The following SLIT1 variants were observed in gnomAD, a reference collection of about 807,000 sequenced individuals.
The protein encoded by SLIT1 is slit homolog 1 protein.
A neutral mutation model predicts 186.1 loss-of-function variants in SLIT1; 66 were observed. The ratio of observed to expected loss-of-function variants is 0.35; its 90% CI spans 0.29 to 0.44. The LOEUF is 0.44. Ranked by LOEUF, SLIT1 falls within the 20% of genes least tolerant of loss-of-function variation. The probability of loss-of-function intolerance (pLI) is 1.00; values close to 1 mark genes in which losing one functional copy is unlikely to be tolerated. For missense variants in SLIT1, 1,638 were observed against 2,037.4 expected, an observed-to-expected ratio of 0.80 and a Z score of 3.77; for synonymous variants, 761 against 833.8, an observed-to-expected ratio of 0.91 and a Z score of 1.50.
At chr10:97,097,606 T>C (rs1358839075) in intron 4 of SLIT1, among the ~76,000 whole-genome samples, 1 of 152,210 alleles carries the variant, frequency 6.6e-6, no homozygotes, top group Non-Finnish European at 1.5e-5. Context: ...TGGATGCTAA[T>C]ACAAAAGCAA....
In SLIT1 at chr10:97,002,279, G is replaced by A. The variant is rs201999932; in HGVS notation, c.4245C>T (p.Ala1415=). Residue 1415 remains alanine (A), a synonymous_variant, in exon 36 of 37, where the codon GCC becomes GCT. Transcript: ENST00000266058. ...DGYSGALCNQ[A]GALAEPCRGL... is the part of the protein sequence containing the mutation. ...CTCTGCAGGGCTCTGCCAGGGCCCC[G>A]GCCTGGTTGCACAGTGCCCCCGAGT... The A allele has an allele frequency of 2.2e-4, 358 of 1,609,364 alleles. 3 individuals carry two copies. The highest frequency in any genetic ancestry group is 2.2e-3 in the Admixed American group (130 of 59,712).
intron 22 of SLIT1, among the ~76,000 whole-genome samples, chr10:97,037,294 A>G (rs1222704255): frequency 6.6e-6 from 1 of 151,994 alleles, no homozygotes; most frequent in African/African-American, 2.4e-5. Context: ...GGGTTTCTCC[A>G]TGTTGATCAG....
intron 4 of SLIT1, among the ~76,000 whole-genome samples, chr10:97,149,984 T>C (rs1416184971): frequency 6.6e-6 from 1 of 152,154 alleles, no homozygotes; most frequent in African/African-American, 2.4e-5. Flanking sequence ...TTCCCCAAAT[T>C]GTTTAACCAA....
At chr10:97,013,857 G>C (rs1398559942) in intron 29 of SLIT1, 23 bp from the exon 30 acceptor site, 2 of 1,544,768 alleles carry the variant, frequency 1.3e-6, no homozygotes, top group Non-Finnish European at 1.8e-6. Context: ...CGAGCAAGGG[G>C]CAGGAGAGAA....
intron 26 of SLIT1, among the ~76,000 whole-genome samples, chr10:97,020,238 G>A (rs1421528141): frequency 6.6e-6 from 1 of 152,104 alleles, no homozygotes; most frequent in Non-Finnish European, 1.5e-5. Context: ...CTCCTAGAGT[G>A]CTAGGATTAC....
chr10:97,083,428 G>A (rs1430632721), intron 4 of SLIT1, among the ~76,000 whole-genome samples: 8 of 152,128 alleles, frequency 5.3e-5, no homozygotes, highest in East Asian at 1.9e-4. Context: ...TATGTATGTC[G>A]GCAGTGACAC....
chr10:97,042,471 C>G (rs1439935758), intron 20 of SLIT1, among the ~76,000 whole-genome samples: 1 of 151,998 alleles, frequency 6.6e-6, no homozygotes, highest in Non-Finnish European at 1.5e-5. Context: ...ACCAGGGTTT[C>G]CTACATATGG....
intron 4 of SLIT1, among the ~76,000 whole-genome samples, chr10:97,087,260 C>T (rs1849172508): frequency 6.6e-6 from 1 of 152,020 alleles, no homozygotes; most frequent in African/African-American, 2.4e-5. Flanking sequence ...CTGAACCAGG[C>T]CCAGCCTGCC....
rs1236368003 is a variant in SLIT1 at position 97,059,994 on chromosome 10, G to T, written c.1013+93C>A. The T allele has an allele frequency of 7.4e-6, 8 of 1,074,254 alleles. No individual in the cohort carries two copies. In the Admixed American group the frequency reaches 1.4e-4, roughly 18 times the overall value. 66.5% of individuals were successfully genotyped at this position (1,074,254 alleles called of 1,614,324 possible). On this transcript the variant is annotated intron_variant, in intron 10 of 36. Coordinates refer to ENST00000266058, the MANE Select transcript of SLIT1 (RefSeq NM_003061.3). Reference sequence around the variant, plus strand: ...TGGCCAAGGCCACTCAGCTGTGGGGGGCTGAGTTAGGGCCTGCCCCAGGGC... The same window carrying T: ...TGGCCAAGGCCACTCAGCTGTGGGGTGCTGAGTTAGGGCCTGCCCCAGGGC...
intron 4 of SLIT1, among the ~76,000 whole-genome samples, chr10:97,069,591 G>A (rs1848983968): frequency 6.6e-6 from 1 of 152,212 alleles, no homozygotes; most frequent in African/African-American, 2.4e-5. Context: ...GAGGAGAGGT[G>A]ATCTCTGACC....
Position 97,006,257 on chromosome 10 carries a change from T to C in SLIT1, c.3579+226A>G, listed in dbSNP as rs1848358497. 1.3e-5 allele frequency among the ~76,000 whole-genome samples: 2 copies of C among 152,364 alleles called. No individual in the cohort carries two copies. Among genetic ancestry groups the C allele is most frequent in the Middle Eastern group, 3.4e-3 (1 of 294 alleles). Reference sequence around the variant, plus strand: ...CTGGTTTTCTGGATTCAGTTACCCATGAGACCATGTCCACCCCTGCCCTGG... The same window carrying C: ...CTGGTTTTCTGGATTCAGTTACCCACGAGACCATGTCCACCCCTGCCCTGG... On this transcript the variant is annotated intron_variant, in intron 32 of 36. Coordinates refer to ENST00000266058, the MANE Select transcript of SLIT1 (RefSeq NM_003061.3). This position sits in a 1 kb window ranked among gnomAD's most constrained non-coding sequence, Gnocchi z 4.0.
chr10:97,143,427 T>C (rs1849785457), intron 4 of SLIT1, among the ~76,000 whole-genome samples: 1 of 152,204 alleles, frequency 6.6e-6, no homozygotes, highest in South Asian at 2.1e-4. Flanking sequence ...GTATCTAAAG[T>C]AGTCAAATTC....
chr10:97,113,634 C>A (rs1486182659), intron 4 of SLIT1, among the ~76,000 whole-genome samples: 1 of 151,870 alleles, frequency 6.6e-6, no homozygotes, highest in African/African-American at 2.4e-5. Context: ...CTCACTGCAA[C>A]CTCCGCCTCC....
At position 97,064,236 on chromosome 10, in the gene SLIT1, G is replaced by A. The variant is rs758298742; in HGVS notation, c.561C>T (p.Thr187=). The part of the protein sequence containing the change: ...FRALRGLEVL[T]LNNNNITTIP... ...TGGTGGTGATATTGTTGTTGTTCAG[G>A]GTCCTAAATGGGAAAAACCAGAGTC... The change falls in exon 7 of 37, where the codon ACC becomes ACT. Residue 187 remains threonine (T), a synonymous_variant. Coordinates refer to ENST00000266058, the MANE Select transcript of SLIT1 (RefSeq NM_003061.3). 6.2e-7 allele frequency: 1 copy of A among 1,613,474 alleles called. No individual in the cohort carries two copies. The highest frequency in any genetic ancestry group is 1.1e-5 in the South Asian group (1 of 90,840).
chr10:97,182,838 C>T (rs557971718), intron 1 of SLIT1, among the ~76,000 whole-genome samples: 11 of 152,134 alleles, frequency 7.2e-5, no homozygotes, highest in Non-Finnish European at 1.6e-4. Flanking sequence ...CATACTCACA[C>T]CTGCTGGCTT....
chr10:97,166,593 A>AAGAG, intron 1 of SLIT1, among the ~76,000 whole-genome samples: 1 of 92,904 alleles, frequency 1.1e-5, no homozygotes, highest in Non-Finnish European at 2.2e-5. Flanking sequence ...GAAAGAAAGA[A>AAGAG]AGAAAGAAAG....
Position 97,013,810 on chromosome 10 carries a change from T to A in SLIT1, c.3134A>T (p.Asp1045Val), listed in dbSNP as rs2134594176. Reference sequence around the variant, plus strand: ...TGGGTTCAGATCCGGAGAGCACAAGTCCACCAGCTGCTCACAGGCCTTTCC... The same window carrying A: ...TGGGTTCAGATCCGGAGAGCACAAGACCACCAGCTGCTCACAGGCCTTTCC... ...YEGKACEQLVDLCSPDLNPCQ... is the reference protein window; with the variant it reads ...YEGKACEQLVVLCSPDLNPCQ... Residue 1045 changes from aspartate (D) to valine (V), a missense_variant, in exon 30 of 37, where the codon GAC (aspartate) becomes GTC (valine). Coordinates refer to ENST00000266058, the MANE Select transcript of SLIT1 (RefSeq NM_003061.3). 6.4e-7 allele frequency: 1 copy of A among 1,551,580 alleles called. No homozygotes were observed. The highest frequency in any genetic ancestry group is 2.4e-5 in the East Asian group (1 of 40,908).
intron 1 of SLIT1, among the ~76,000 whole-genome samples, chr10:97,167,359 C>T (rs935094443): frequency 6.6e-6 from 1 of 152,236 alleles, no homozygotes; most frequent in Admixed American, 6.5e-5. Context: ...TCTTCCCAAG[C>T]AGGGCTGGTT....
At chr10:97,013,939 C>G in intron 29 of SLIT1, 80 bp downstream of exon 29, 2 of 1,579,150 alleles carry the variant, frequency 1.3e-6, no homozygotes, top group Non-Finnish European at 1.7e-6. Context: ...GCAGGGATCC[C>G]CTTCCACTCC....
Sources: allele counts gnomAD v4.1 joint callset (sites outside exome capture counted in the v4.1 genomes callset), GRCh38; gene constraint gnomAD v4.1.1; non-coding constraint Gnocchi (gnomAD v3.1); transcripts MANE v1.5; gene names NCBI Gene and HGNC (gene_info 2026-07-23, HGNC 2026-07-21).